The following WBP1 variants were observed in gnomAD, a reference collection of about 807,000 sequenced individuals.
WBP1 encodes WW domain-binding protein 1.
In WBP1, 18 loss-of-function variants were observed where a neutral mutation model predicts 25.6. The observed-to-expected ratio is 0.70, with a 90% CI of 0.49 to 1.04. The LOEUF (loss-of-function observed/expected upper bound fraction) is 1.04. Ranked by LOEUF, WBP1 falls within the 50% of genes least tolerant of loss-of-function variation. The pLI is 0.00. For synonymous variants in WBP1, 122 were observed against 137.7 expected (o/e 0.89, Z 0.80); for missense variants, 330 against 352.9 (o/e 0.94, Z 0.52).
chr2:74,459,829 C>T, intron 2 of WBP1, 44 bp from the exon 3 acceptor site: 2 of 1,613,012 alleles, frequency 1.2e-6, no homozygotes, highest in South Asian at 1.1e-5. Flanking sequence ...GGCCCCTTCT[C>T]TGCATGAAAG....
In WBP1 at chr2:74,459,631, C is replaced by G. The variant is rs755012241; in HGVS notation, c.70-12C>G. On this transcript the variant is annotated splice_polypyrimidine_tract_variant and intron_variant, in intron 1 of 3. Transcript: ENST00000233615. ...GAATCCCCCTTAGTTCTAAGTGCCTCCTTGCCCGCAGCTTCGAGAGCTGTG... is the reference window on the plus strand; with the variant it reads ...GAATCCCCCTTAGTTCTAAGTGCCTGCTTGCCCGCAGCTTCGAGAGCTGTG... The G allele has an allele frequency of 1.9e-6, 3 of 1,613,478 alleles. No individual in the cohort carries two copies. The Admixed American group carries it at 5.0e-5, about 27-fold the overall frequency.
chr2:74,459,286 G>A, intron 1 of WBP1: 1 of 893,210 alleles, frequency 1.1e-6, no homozygotes, highest in Non-Finnish European at 1.6e-6. Flanking sequence ...ACTGTCTTCT[G>A]GCTTCTGCCA....
rs1267564796 is a variant in WBP1, at chr2:74,458,614, C to T, written c.12C>T (p.Ala4=). 1.3e-6 allele frequency: 2 copies of T among 1,561,724 alleles called. No individual in the cohort carries two copies. The highest frequency in any genetic ancestry group is 1.7e-6 in the Non-Finnish European group (2 of 1,152,200). The change falls in exon 1 of 4, where the codon GCC becomes GCT. Residue 4 remains alanine, a synonymous_variant. Transcript: ENST00000233615. The part of the protein sequence containing the change: MAR[A]SSGNGSEEAW... ...CTGTAGGTGGAGGTATGGCTCGGGC[C>T]AGCAGCGGGAACGGCAGCGAGGAGG... is the stretch of plus-strand genomic sequence containing the variant.
rs1231200806 is a variant in WBP1, at chr2:74,460,413, G to C, written c.542G>C (p.Ser181Thr). The C allele has an allele frequency of 1.9e-6, 3 of 1,613,806 alleles. No individual in the cohort carries two copies. The highest frequency in any genetic ancestry group is 2.5e-6 in the Non-Finnish European group (3 of 1,180,024). ...TNVEGVSSHQ[S>T]APPHQEGEPG... ...GTGGAAGGTGTTTCCTCCCACCAGA[G>C]TGCCCCCCCTCATCAGGAGGGTGAG... Residue 181 changes from serine to threonine, a missense_variant, in exon 4 of 4, where the codon AGT (serine) becomes ACT (threonine). Ser to Thr is a moderately conservative substitution (Grantham distance 58). Coordinates refer to ENST00000233615, the MANE Select transcript of WBP1 (RefSeq NM_012477.4).
intron 1 of WBP1, 125 bp downstream of exon 1, chr2:74,458,796 G>C: frequency 6.6e-7 from 1 of 1,523,236 alleles, no homozygotes; most frequent in African/African-American, 1.4e-5. Context: ...TCCTAAACAT[G>C]TCTCTTCCAC....
rs1322768123 is a variant in WBP1, at chr2:74,460,549, G to A, written c.678G>A (p.Glu226=). 14 of 1,613,390 alleles carry A rather than the reference G, an allele frequency of 8.7e-6. No individual in the cohort carries two copies. Among genetic ancestry groups the A allele is most frequent in the Non-Finnish European group, 1.2e-5 (14 of 1,179,774 alleles). ...CTTGTCCTGCCTCCGGTGAGGGTGA[G>A]CCAGTCAAGGAGGTGAGGGTTAGTG... ...LCPCPASGEG[E]PVKEVRVSAT... The change falls in exon 4 of 4, where the codon GAG becomes GAA. Residue 226 remains glutamate (E), a synonymous_variant. Coordinates refer to ENST00000233615, the MANE Select transcript of WBP1 (RefSeq NM_012477.4).
At position 74,459,652 on chromosome 2, in the gene WBP1, C is replaced by T. The variant is rs932229455; in HGVS notation, c.79C>T (p.Leu27=). 1.2e-6 allele frequency: 2 copies of T among 1,614,032 alleles called. No homozygotes were observed. The highest frequency in any genetic ancestry group is 1.3e-5 in the African/African-American group (1 of 75,036). ...GCCTCCTTGCCCGCAGCTTCGAGAG[C>T]TGTGCCCAGGAGTGAACAACCAGCC... ...LRAPQQQLRE[L]CPGVNNQPYL... The change falls in exon 2 of 4, where the codon CTG becomes TTG. Residue 27 remains leucine, a synonymous_variant. Transcript: ENST00000233615.
intron 1 of WBP1, 84 bp from the exon 2 acceptor site, chr2:74,459,559 T>G: frequency 2.4e-6 from 3 of 1,265,826 alleles, no homozygotes; most frequent in Non-Finnish European, 3.4e-6. Flanking sequence ...CAGGGTGGGA[T>G]TGTGTATGTG....
At chr2:74,459,054 C>T (rs528410976) in intron 1 of WBP1, 5 of 1,550,264 alleles carry the variant, frequency 3.2e-6, no homozygotes, top group East Asian at 2.4e-5. Flanking sequence ...AACCCAGACT[C>T]GCGCCCTGGA....
chr2:74,459,891 C>A lies in WBP1; in HGVS notation c.191C>A (p.Thr64Asn). The part of the protein sequence containing the change: ...YELWWFWLLW[T>N]VLILFSCCCA... ...CTTGCAGGGTTCTGGCTGCTCTGGA[C>A]TGTCCTCATCCTCTTTAGCTGCTGT... The change falls in exon 3 of 4, where the codon ACT (threonine) becomes AAT (asparagine). Residue 64 changes from threonine to asparagine, a missense_variant. Physicochemically the swap from Thr to Asn is moderately conservative, Grantham distance 65 (BLOSUM62 0). Coordinates refer to ENST00000233615, the MANE Select transcript of WBP1 (RefSeq NM_012477.4). 4 of 1,614,110 alleles carry A rather than the reference C, an allele frequency of 2.5e-6. No homozygotes were observed. The highest frequency in any genetic ancestry group is 3.4e-6 in the Non-Finnish European group (4 of 1,179,954).
At position 74,460,687 on chromosome 2, in the gene WBP1, T is replaced by C; in HGVS notation, c.*6T>C. On this transcript the variant is annotated 3_prime_UTR_variant, in exon 4 of 4. Coordinates refer to ENST00000233615, the MANE Select transcript of WBP1 (RefSeq NM_012477.4). ...GTGAAGGGGACATCCCATAAGTAGT[T>C]TTGAGAGGGTGGATGGGTTACTTGC... 6.5e-7 allele frequency: 1 copy of C among 1,545,674 alleles called. No individual in the cohort carries two copies. The highest frequency in any genetic ancestry group is 2.3e-5 in the East Asian group (1 of 44,170).
chr2:74,458,943 C>T, intron 1 of WBP1: 4 of 1,550,854 alleles, frequency 2.6e-6, no homozygotes, highest in Non-Finnish European at 3.5e-6. Context: ...GAGGCTCCCT[C>T]TGTCTTGCAA....
chr2:74,458,699 C>A, intron 1 of WBP1, 28 bp downstream of exon 1: 1 of 1,558,732 alleles, frequency 6.4e-7, no homozygotes, highest in South Asian at 1.2e-5. Context: ...AAACCTATCA[C>A]GACAGCCATT....
chr2:74,459,843 C>T, intron 2 of WBP1, 30 bp from the exon 3 acceptor site: 1 of 1,612,542 alleles, frequency 6.2e-7, no homozygotes. Flanking sequence ...ATGAAAGATG[C>T]CTGAGTTGCT....
chr2:74,459,515 A>G, intron 1 of WBP1, 128 bp from the exon 2 acceptor site: 1 of 830,816 alleles, frequency 1.2e-6, no homozygotes, highest in Non-Finnish European at 2.0e-6. Context: ...AGCATCCTCC[A>G]CTTCCCCCAT....
intron 1 of WBP1, chr2:74,459,158 C>T (rs1671808966): frequency 5.9e-6 from 9 of 1,526,526 alleles, no homozygotes; most frequent in Non-Finnish European, 7.9e-6. Flanking sequence ...AGCCTGAGGC[C>T]CAGGGGTGGA....
chr2:74,458,805 A>C (rs961287771), intron 1 of WBP1, 134 bp downstream of exon 1: 27 of 1,526,282 alleles, frequency 1.8e-5, no homozygotes, highest in Non-Finnish European at 1.9e-5. Context: ...TGTCTCTTCC[A>C]CTCTTTGTCT....
chr2:74,459,300 C>T, intron 1 of WBP1: 1 of 661,050 alleles, frequency 1.5e-6, no homozygotes, highest in Non-Finnish European at 2.4e-6. Flanking sequence ...TCTGCCAAAA[C>T]ACTCCCTTAA....
rs143298451 is a variant in WBP1, at chr2:74,460,487, C to T, written c.616C>T (p.Arg206Cys). Reference protein sequence around the residue: ...PASTPPSCRYRRLTGDSGIEL... With the variant: ...PASTPPSCRYCRLTGDSGIEL... ...CTCCACACCCCCCTCCTGCCGCTATCGCCGTTTAACTGGCGACTCCGGTAT... is the reference window on the plus strand; with the variant it reads ...CTCCACACCCCCCTCCTGCCGCTATTGCCGTTTAACTGGCGACTCCGGTAT... Residue 206 changes from arginine to cysteine, a missense_variant, in exon 4 of 4, where the codon CGC (arginine) becomes TGC (cysteine). Physicochemically the swap from Arg to Cys is radical, Grantham distance 180. Transcript: ENST00000233615. 35 of 1,613,574 alleles carry T rather than the reference C, an allele frequency of 2.2e-5. No individual in the cohort carries two copies. Among genetic ancestry groups the T allele is most frequent in the African/African-American group, 4.0e-5 (3 of 75,032 alleles).
Sources: allele counts gnomAD v4.1 joint callset, GRCh38; gene constraint gnomAD v4.1.1; transcripts MANE v1.5; gene names NCBI Gene and HGNC (gene_info 2026-07-23, HGNC 2026-07-21).